The following GABRB2 variants were observed in gnomAD, a reference collection of about 807,000 sequenced individuals.
The protein encoded by GABRB2 is gamma-aminobutyric acid type A receptor subunit beta2, also known as gamma-aminobutyric acid receptor subunit beta-2.
GABRB2 carries 16 observed loss-of-function variants against 54.7 expected under a neutral mutation model. The observed-to-expected ratio is 0.29, with a 90% confidence interval of 0.20 to 0.44. GABRB2 has a LOEUF of 0.44. Ranked by LOEUF, GABRB2 falls within the 20% of genes least tolerant of loss-of-function variation. The pLI is 1.00. For missense variants in GABRB2, 355 were observed against 644.0 expected (o/e 0.55, Z 4.86); for synonymous variants, 244 against 233.8 (o/e 1.04, Z -0.40).
intron 5 of GABRB2, among the ~76,000 whole-genome samples, chr5:161,366,913 A>T (rs1384217739): frequency 2.0e-5 from 3 of 152,172 alleles, no homozygotes; most frequent in African/African-American, 4.8e-5. Flanking sequence ...GCACCAATGC[A>T]CTCCAGCCTG....
intron 9 of GABRB2, among the ~76,000 whole-genome samples, chr5:161,311,011 C>T (rs1399490646): frequency 2.0e-5 from 3 of 152,142 alleles, no homozygotes; most frequent in African/African-American, 2.4e-5. Context: ...CTGCCCGCCT[C>T]GGCCTCCCAA....
chr5:161,344,289 A>G (rs1176809020), intron 5 of GABRB2, among the ~76,000 whole-genome samples: 1 of 152,080 alleles, frequency 6.6e-6, no homozygotes, highest in Non-Finnish European at 1.5e-5. Flanking sequence ...ATAACCTACA[A>G]TCACCAATAG....
intron 4 of GABRB2, chr5:161,459,373 C>A: frequency 1.9e-6 from 1 of 518,204 alleles, no homozygotes; most frequent in Admixed American, 3.2e-5. Flanking sequence ...ATCCCTAGTC[C>A]TTAAAGAAAG....
chr5:161,381,429 G>A (rs542349572), intron 5 of GABRB2, among the ~76,000 whole-genome samples: 2 of 152,164 alleles, frequency 1.3e-5, no homozygotes, highest in Admixed American at 6.6e-5. Context: ...TGCCCTCCTT[G>A]GCACATAAGG....
chr5:161,422,968 T>C (rs1208942168), intron 4 of GABRB2, among the ~76,000 whole-genome samples: 1 of 152,288 alleles, frequency 6.6e-6, no homozygotes, highest in East Asian at 1.9e-4. Flanking sequence ...AAGATCTCTA[T>C]AATTATTGTT....
intron 3 of GABRB2, among the ~76,000 whole-genome samples, chr5:161,544,038 CTT>C (rs1009206648): frequency 6.6e-6 from 1 of 152,130 alleles, no homozygotes. Context: ...GGGATTATCT[CTT>C]ATCTTTAGAC....
intron 3 of GABRB2, among the ~76,000 whole-genome samples, chr5:161,515,021 A>G (rs1416591328): frequency 6.6e-6 from 1 of 152,178 alleles, no homozygotes; most frequent in Non-Finnish European, 1.5e-5. Context: ...CAATGCTGCC[A>G]TGCATAATAA....
chr5:161,334,682 A>G (rs1753940323), intron 7 of GABRB2, 70 bp downstream of exon 7: 1 of 1,517,464 alleles, frequency 6.6e-7, no homozygotes, highest in Non-Finnish European at 9.0e-7. Flanking sequence ...GGATAAGGAA[A>G]ACGCGTGCAT....
chr5:161,380,375 C>A (rs902727398), intron 5 of GABRB2, among the ~76,000 whole-genome samples: 1 of 152,132 alleles, frequency 6.6e-6, no homozygotes, highest in African/African-American at 2.4e-5. Flanking sequence ...AAAGCCAGAT[C>A]ACTTTCACTG....
chr5:161,543,524 A>G (rs1245380065), intron 3 of GABRB2, among the ~76,000 whole-genome samples: 3 of 152,176 alleles, frequency 2.0e-5, no homozygotes, highest in Non-Finnish European at 4.4e-5. Context: ...GTAAAATAAG[A>G]CTTGGGACTG....
At chr5:161,419,624 A>G (rs2113141133) in intron 4 of GABRB2, among the ~76,000 whole-genome samples, 1 of 152,388 alleles carries the variant, frequency 6.6e-6, no homozygotes, top group Middle Eastern at 3.4e-3. Flanking sequence ...AATGCTATGC[A>G]TTAATGAAAA....
intron 9 of GABRB2, among the ~76,000 whole-genome samples, chr5:161,301,871 A>G (rs1757550540): frequency 6.6e-6 from 1 of 152,198 alleles, no homozygotes; most frequent in South Asian, 2.1e-4. Flanking sequence ...TCCCAAGTCC[A>G]TTCCTGACAA....
In GABRB2 at chr5:161,294,535, A is replaced by G. The variant is rs577700105; in HGVS notation, c.1192-107T>C. 3.4e-5 allele frequency: 30 copies of G among 894,692 alleles called. No homozygotes were observed. In the African/African-American group the frequency reaches 5.0e-4, roughly 15 times the overall value. The allele number at this position is 894,692 out of a possible 1,614,324, so 55.4% of individuals were successfully genotyped here. Reference sequence around the variant, plus strand: ...CTTAAGGGATTTATAGGAGTGGTAAAGAGAGCTACCTTTGCGATTACATTA... The same window carrying G: ...CTTAAGGGATTTATAGGAGTGGTAAGGAGAGCTACCTTTGCGATTACATTA... On this transcript the variant is annotated intron_variant, in intron 9 of 9. Coordinates refer to ENST00000393959, the MANE Select transcript of GABRB2 (RefSeq NM_001371727.1).
At chr5:161,431,690 A>C (rs562909596) in intron 4 of GABRB2, among the ~76,000 whole-genome samples, 1 of 152,306 alleles carries the variant, frequency 6.6e-6, no homozygotes, top group African/African-American at 2.4e-5. Flanking sequence ...ATTTCTCTAA[A>C]ACTGTTTGTT....
At chr5:161,357,987 A>G (rs1754690109) in intron 5 of GABRB2, among the ~76,000 whole-genome samples, 1 of 152,212 alleles carries the variant, frequency 6.6e-6, no homozygotes, top group Non-Finnish European at 1.5e-5. Flanking sequence ...TTTCAGTGCA[A>G]TCAGCATACT....
chr5:161,410,911 G>A, intron 5 of GABRB2, 64 bp downstream of exon 5: 1 of 1,239,998 alleles, frequency 8.1e-7, no homozygotes, highest in South Asian at 1.2e-5. Context: ...AGCCAGGACT[G>A]GAGGCCTCTG....
At chr5:161,431,568 T>C (rs1757173305) in intron 4 of GABRB2, among the ~76,000 whole-genome samples, 1 of 152,160 alleles carries the variant, frequency 6.6e-6, no homozygotes, top group Admixed American at 6.6e-5. Context: ...ATAAATAACA[T>C]GTTAAATACA....
intron 5 of GABRB2, 37 bp from the exon 6 acceptor site, chr5:161,336,806 AC>A: frequency 6.5e-7 from 1 of 1,537,940 alleles, no homozygotes; most frequent in Non-Finnish European, 8.7e-7. Flanking sequence ...ACACACAAAT[AC>A]AGAAAACAAA....
intron 5 of GABRB2, among the ~76,000 whole-genome samples, chr5:161,348,347 A>G (rs1326362316): frequency 6.6e-6 from 1 of 152,112 alleles, no homozygotes; most frequent in Non-Finnish European, 1.5e-5. Flanking sequence ...AAGAAAATTA[A>G]GAAGACTATA....
Sources: gnomAD v4.1 joint callset for allele counts (sites outside exome capture counted in the v4.1 genomes callset) on GRCh38, gnomAD v4.1.1 for gene constraint, MANE v1.5 for transcripts, NCBI Gene and HGNC (gene_info 2026-07-23, HGNC 2026-07-21) for gene names.